The following ENOX2 variants were observed in gnomAD, a reference collection of about 807,000 sequenced individuals.
ENOX2 encodes ecto-NOX disulfide-thiol exchanger 2.
ENOX2 carries 36 observed loss-of-function variants against 45.0 expected under a neutral mutation model. That is an observed-to-expected ratio of 0.80 (90% CI 0.61 to 1.06). ENOX2 has a LOEUF of 1.06. ENOX2 is among the 50% of genes least tolerant of loss of function. The pLI is 0.00. For synonymous variants in ENOX2, 174 were observed against 152.3 expected (o/e 1.14, Z -1.05); for missense variants, 423 against 462.5 (o/e 0.91, Z 0.78).
At chrX:130,685,974 C>T (rs1186821383) in intron 5 of ENOX2, among the ~76,000 whole-genome samples, 2 of 111,496 alleles carry the variant, frequency 1.8e-5, no homozygotes, top group Non-Finnish European at 3.8e-5. Flanking sequence ...AGGTGGGACA[C>T]AGGGGAGGGA....
chrX:130,803,136 T>C (rs770534245), intron 2 of ENOX2, among the ~76,000 whole-genome samples: 98 of 112,401 alleles, frequency 8.7e-4, no homozygotes, highest in African/African-American at 2.8e-3. Flanking sequence ...TTTTTAAAAG[T>C]GAATAATTTA....
At chrX:130,637,487 T>C in intron 10 of ENOX2, 77 bp from the exon 11 acceptor site, 2 of 909,553 alleles carry the variant, frequency 2.2e-6, no homozygotes, top group Non-Finnish European at 3.0e-6. Context: ...AAAAGGTTGG[T>C]TCTTCCTCTT....
chrX:130,898,856 G>C (rs2079101829), intron 2 of ENOX2, among the ~76,000 whole-genome samples: 1 of 109,541 alleles, frequency 9.1e-6, no homozygotes, highest in African/African-American at 3.3e-5. Flanking sequence ...AGAAGTTGAA[G>C]TGGTAGGTTA....
At chrX:130,728,375 G>T (rs1171102891) in intron 3 of ENOX2, among the ~76,000 whole-genome samples, 2 of 111,268 alleles carry the variant, frequency 1.8e-5, no homozygotes, top group Non-Finnish European at 3.8e-5. Flanking sequence ...GGATTTCCCA[G>T]AAGTTCCACA....
chrX:130,851,260 T>C (rs1229878574), intron 2 of ENOX2, among the ~76,000 whole-genome samples: 1 of 111,903 alleles, frequency 8.9e-6, no homozygotes, highest in African/African-American at 3.2e-5. Context: ...TATTATGATA[T>C]ACTATATACT....
At chrX:130,647,646 A>C (rs753609808) in intron 10 of ENOX2, among the ~76,000 whole-genome samples, 1 of 111,080 alleles carries the variant, frequency 9.0e-6, no homozygotes, top group African/African-American at 3.3e-5. Flanking sequence ...CATTAACACA[A>C]CTCTCCTATA....
At position 130,705,278 on chromosome X, in the gene ENOX2, A is replaced by C. The variant is rs141992453; in HGVS notation, c.-38-2024T>G. ...GAGAAATATTAAAACAAACAAACAA[A>C]CAAACAGGAACACTTCTCAGTAAAG... On this transcript the variant is annotated intron_variant, in intron 3 of 14. Transcript: ENST00000394363. Among the ~76,000 whole-genome samples, 1,020 of 111,917 alleles carry C rather than the reference A, an allele frequency of 9.1e-3. 16 individuals carry two copies. Among genetic ancestry groups the C allele is most frequent in the African/African-American group, 0.031 (957 of 30,802 alleles).
chrX:130,743,758 G>A (rs927832001), intron 3 of ENOX2, among the ~76,000 whole-genome samples: 1 of 111,233 alleles, frequency 9.0e-6, no homozygotes, highest in Non-Finnish European at 1.9e-5. Flanking sequence ...GGGATTACAG[G>A]TGTGAGCCAC....
rs73635937 is a variant in ENOX2 at position 130,714,784 on chromosome X, G to A, written c.-38-11530C>T. On this transcript the variant is annotated intron_variant, in intron 3 of 14. Transcript: ENST00000394363. ...GATATGAAAACAAAAACTACTGTACGGTTTGAAAATGGCTAAACAGAGATA... is the reference window on the plus strand; with the variant it reads ...GATATGAAAACAAAAACTACTGTACAGTTTGAAAATGGCTAAACAGAGATA... Among the ~76,000 whole-genome samples the A allele has an allele frequency of 4.5e-3, 507 of 111,525 alleles. 5 individuals are homozygous for A. The highest frequency in any genetic ancestry group is 0.016 in the African/African-American group (489 of 30,678).
chrX:130,729,507 C>G (rs763985186), intron 3 of ENOX2, among the ~76,000 whole-genome samples: 5 of 111,825 alleles, frequency 4.5e-5, no homozygotes, highest in Non-Finnish European at 9.4e-5. Flanking sequence ...TCTACCGTGA[C>G]TATTTTTTTT....
At chrX:130,807,721 G>T (rs759219518) in intron 2 of ENOX2, among the ~76,000 whole-genome samples, 1 of 111,667 alleles carries the variant, frequency 9.0e-6, no homozygotes, top group Non-Finnish European at 1.9e-5. Context: ...TACAGCTTAA[G>T]TGGCAATAGG....
chrX:130,682,820 AT>A (rs2037347380), intron 5 of ENOX2, among the ~76,000 whole-genome samples: 1 of 110,989 alleles, frequency 9.0e-6, no homozygotes, highest in Non-Finnish European at 1.9e-5. Flanking sequence ...GCAATGGGCT[AT>A]ACTATCTTCC....
intron 10 of ENOX2, among the ~76,000 whole-genome samples, chrX:130,648,141 G>A (rs1056257996): frequency 2.3e-4 from 26 of 112,096 alleles, no homozygotes; most frequent in East Asian, 2.8e-4. Flanking sequence ...CTTTGGGTAG[G>A]AGAAAGTAAA....
chrX:130,784,365 G>T (rs886970200), intron 2 of ENOX2, among the ~76,000 whole-genome samples: 2 of 111,186 alleles, frequency 1.8e-5, no homozygotes, highest in Admixed American at 1.9e-4. Flanking sequence ...TACTCTCCAA[G>T]TCTTACATGG....
chrX:130,776,800 C>T (rs1012035229), intron 3 of ENOX2, among the ~76,000 whole-genome samples: 1 of 111,597 alleles, frequency 9.0e-6, no homozygotes, highest in Non-Finnish European at 1.9e-5. Flanking sequence ...TGTCCCTTAC[C>T]AAGTAATCAG....
chrX:130,863,061 C>T (rs1342993891), intron 2 of ENOX2, among the ~76,000 whole-genome samples: 1 of 112,054 alleles, frequency 8.9e-6, no homozygotes, highest in Non-Finnish European at 1.9e-5. Context: ...ACCATGAAAA[C>T]TCACCCACAC....
intron 2 of ENOX2, among the ~76,000 whole-genome samples, chrX:130,792,760 T>C (rs2077062154): frequency 8.9e-6 from 1 of 111,794 alleles, no homozygotes; most frequent in Non-Finnish European, 1.9e-5. Context: ...ACCACTGCAC[T>C]CTAGCCTGGG....
Position 130,870,737 on chromosome X carries a change from T to TAAAAGCCACTC in ENOX2, c.-183+30936_-183+30946dup, listed in dbSNP as rs756828146. Among the ~76,000 whole-genome samples the TAAAAGCCACTC allele has an allele frequency of 6.8e-4, 76 of 111,821 alleles. 1 individual carries two copies. Among genetic ancestry groups the TAAAAGCCACTC allele is most frequent in the African/African-American group, 2.4e-3 (73 of 30,872 alleles). On this transcript the variant is annotated intron_variant, in intron 2 of 14. Transcript: ENST00000394363. Reference sequence around the variant, plus strand: ...TACTGTTCCAGCAACTGCTGAGAATTAAAAGCCACTCTATCTTTCTAGAAG... The same window carrying TAAAAGCCACTC: ...TACTGTTCCAGCAACTGCTGAGAATTAAAAGCCACTCAAAAGCCACTCTATCTTTCTAGAAG...
At position 130,712,265 on chromosome X, in the gene ENOX2, T is replaced by C. The variant is rs1272454965; in HGVS notation, c.-38-9011A>G. ...ATTACAGTAAGTAGCTAGCCAGGCATGAGTGGGGCAGGAGAGGGCTCCCCC... is the reference window on the plus strand; with the variant it reads ...ATTACAGTAAGTAGCTAGCCAGGCACGAGTGGGGCAGGAGAGGGCTCCCCC... On this transcript the variant is annotated intron_variant, in intron 3 of 14. Coordinates refer to ENST00000394363, the MANE Select transcript of ENOX2 (RefSeq NM_006375.4). Among the ~76,000 whole-genome samples the C allele has an allele frequency of 8.0e-5, 9 of 112,102 alleles. No individual in the cohort carries two copies. In the Admixed American group the frequency reaches 8.5e-4, roughly 11 times the overall value.
Sources: allele counts gnomAD v4.1 joint callset (sites outside exome capture counted in the v4.1 genomes callset), GRCh38; gene constraint gnomAD v4.1.1; transcripts MANE v1.5; gene names NCBI Gene and HGNC (gene_info 2026-07-23, HGNC 2026-07-21).